FXYD2: variants seen among roughly 807,000 people sequenced by gnomAD.
FXYD2 encodes FXYD domain containing ion transport regulator 2.
FXYD2 carries 8 observed loss-of-function variants against 11.8 expected under a neutral mutation model. That is an observed-to-expected ratio of 0.68 (90% CI 0.40 to 1.22). The LOEUF is 1.22. FXYD2 is among the 50% of genes most tolerant of loss of function. FXYD2 has a pLI of 0.01. For missense variants in FXYD2, 92 were observed against 91.8 expected, an observed-to-expected ratio of 1.00 and a Z score of -0.01; for synonymous variants, 42 against 33.3, an observed-to-expected ratio of 1.26 and a Z score of -0.90.
chr11:117,823,517 G>C (rs2055963063), intron 1 of FXYD2, among the ~76,000 whole-genome samples: 1 of 152,232 alleles, frequency 6.6e-6, no homozygotes, highest in African/African-American at 2.4e-5. Context: ...TGGCGGGAGG[G>C]AAGGAGCCCG....
chr11:117,826,294 T>A (rs1025034733), upstream of FXYD2, among the ~76,000 whole-genome samples: 5 of 152,178 alleles, frequency 3.3e-5, no homozygotes, highest in Non-Finnish European at 5.9e-5. Context: ...CCCGTTCAGC[T>A]CCCTTCTGCT....
rs746807217 is a variant in FXYD2 at position 117,824,664 on chromosome 11, C to T, written c.15G>A (p.Ser5=). Residue 5 remains serine, a synonymous_variant, in exon 1 of 6, where the codon TCG becomes TCA. Coordinates refer to ENST00000292079, the MANE Select transcript of FXYD2 (RefSeq NM_001680.5). The surrounding 1 kb of genome is among the most constrained non-coding windows in gnomAD (Gnocchi z 4.0). The part of the protein sequence containing the change: MTGL[S]MDGGGSPKGD... Reference sequence around the variant, plus strand: ...CACCAGCACACTCACCACCGTCCATCGACAACCCAGTCATTTCCCCAGGTG... The same window carrying T: ...CACCAGCACACTCACCACCGTCCATTGACAACCCAGTCATTTCCCCAGGTG... 8 of 1,613,798 alleles carry T rather than the reference C, an allele frequency of 5.0e-6. No individual in the cohort carries two copies. Among genetic ancestry groups the T allele is most frequent in the East Asian group, 2.2e-5 (1 of 44,876 alleles).
At chr11:117,827,939 C>G (rs773848788), upstream of FXYD2, 254 of 1,189,082 alleles carry the variant, frequency 2.1e-4, no homozygotes, top group Middle Eastern at 1.1e-3. Context: ...AGGGACGGGG[C>G]TGGCACCTGT....
upstream of FXYD2, among the ~76,000 whole-genome samples, chr11:117,827,787 C>T (rs1476706315): frequency 2.6e-5 from 4 of 152,216 alleles, no homozygotes; most frequent in Non-Finnish European, 5.9e-5. Context: ...GCTGCCTTCC[C>T]AGCCCTCGCA....
At position 117,820,893 on chromosome 11, in the gene FXYD2, T is replaced by C; in HGVS notation, c.142A>G (p.Arg48Gly). 4.3e-6 allele frequency: 7 copies of C among 1,613,770 alleles called. No homozygotes were observed. The highest frequency in any genetic ancestry group is 5.9e-6 in the Non-Finnish European group (7 of 1,179,994). The change falls in exon 4 of 6, where the codon AGA becomes GGA. Residue 48 changes from arginine to glycine, a missense_variant and splice_region_variant. By Grantham distance (125) the Arg-to-Gly change is moderately radical. Coordinates refer to ENST00000292079, the MANE Select transcript of FXYD2 (RefSeq NM_001680.5). Reference sequence around the variant, plus strand: ...TTATTGCCCCCACAGCGGAATCTTCTGCCTTGAAAAGAGAAAAGGAGATTT... The same window carrying C: ...TTATTGCCCCCACAGCGGAATCTTCCGCCTTGAAAAGAGAAAAGGAGATTT... ...FIVGLLILLS[R>G]RFRCGGNKKR... is the part of the protein sequence containing the mutation.
chr11:117,820,827 C>G (rs769162778), intron 4 of FXYD2, 32 bp downstream of exon 4: 2 of 1,611,660 alleles, frequency 1.2e-6, no homozygotes, highest in Non-Finnish European at 1.7e-6. Flanking sequence ...CCAGCCCCAA[C>G]CCCCTCATCG....
Position 117,822,718 on chromosome 11 carries a change from C to T in FXYD2, c.26-1G>A. On this transcript the variant is annotated splice_acceptor_variant, in intron 1 of 5. Coordinates refer to ENST00000292079, the MANE Select transcript of FXYD2 (RefSeq NM_001680.5). LOFTEE classifies it high-confidence loss of function. This position sits in a 1 kb window ranked among gnomAD's most constrained non-coding sequence, Gnocchi z 4.7. ...TCCACGTCCCCCTTGGGGCTGCCGC[C>T]TAGGAGAGAGCCAGAGGTGGGATGA... 1 of 1,609,574 alleles carries T rather than the reference C, an allele frequency of 6.2e-7. No individual in the cohort carries two copies. Among genetic ancestry groups the T allele is most frequent in the Non-Finnish European group, 8.5e-7 (1 of 1,178,960 alleles).
Position 117,820,670 on chromosome 11 carries a change from T to TG in FXYD2, c.*1dup. The TG allele has an allele frequency of 6.2e-7, 1 of 1,613,988 alleles. No individual in the cohort carries two copies. Among genetic ancestry groups the TG allele is most frequent in the Non-Finnish European group, 8.5e-7 (1 of 1,179,948 alleles). ...CCCCAGGCCCTCCTAGCATACCTGC[T>TG]GTTACGGCTCATCTTCATTGATTTG... On this transcript the variant is annotated 3_prime_UTR_variant, in exon 5 of 6. Transcript: ENST00000292079.
chr11:117,828,054 G>T, upstream of FXYD2: 2 of 1,550,258 alleles, frequency 1.3e-6, no homozygotes, highest in South Asian at 1.2e-5. Flanking sequence ...CAGGAGAGCA[G>T]GGAGGTGCTG....
At chr11:117,826,741 G>A (rs1357128893), upstream of FXYD2, among the ~76,000 whole-genome samples, 1 of 148,262 alleles carries the variant, frequency 6.7e-6, no homozygotes, top group African/African-American at 2.5e-5. Flanking sequence ...TAAGTGGGAA[G>A]TTAAATAAAT....
intron 3 of FXYD2, 120 bp from the exon 4 acceptor site, chr11:117,821,015 C>A: frequency 7.6e-7 from 1 of 1,314,234 alleles, no homozygotes. Context: ...CAGGGTCAGG[C>A]TTGGAGGCCA....
rs902662717 is a variant in FXYD2, at chr11:117,824,660, C to A, written c.19G>T (p.Asp7Tyr). The A allele has an allele frequency of 1.9e-6, 3 of 1,613,772 alleles. No individual in the cohort carries two copies. Among genetic ancestry groups the A allele is most frequent in the Non-Finnish European group, 2.5e-6 (3 of 1,179,840 alleles). ...CGCACACCAGCACACTCACCACCGT[C>A]CATCGACAACCCAGTCATTTCCCCA... The part of the protein sequence containing the change: MTGLSM[D>Y]GGGSPKGDVD... The change falls in exon 1 of 6, where the codon GAC becomes TAC. Residue 7 changes from aspartate to tyrosine, a missense_variant. Coordinates refer to ENST00000292079, the MANE Select transcript of FXYD2 (RefSeq NM_001680.5). This position sits in a 1 kb window ranked among gnomAD's most constrained non-coding sequence, Gnocchi z 4.0.
At chr11:117,821,893 CA>C (rs1418283889) in intron 3 of FXYD2, 2 of 1,008,052 alleles carry the variant, frequency 2.0e-6, no homozygotes. Context: ...TGGACCAAAA[CA>C]AGTCAATGTG....
chr11:117,827,091 GATAGAT>G (rs1565303903), upstream of FXYD2, among the ~76,000 whole-genome samples: 43 of 29,864 alleles, frequency 1.4e-3, no homozygotes, highest in East Asian at 7.6e-3. Context: ...TAGAGAGATA[GATAGAT>G]AGATAGATAG....
rs1384474436 is a variant in FXYD2 at position 117,822,458 on chromosome 11, C to T, written c.87G>A (p.Gly29=). 1.9e-6 allele frequency: 3 copies of T among 1,562,868 alleles called. No homozygotes were observed. Among genetic ancestry groups the T allele is most frequent in the Non-Finnish European group, 2.6e-6 (3 of 1,152,744 alleles). The change falls in exon 3 of 6, where the codon GGG becomes GGA. Residue 29 remains glycine (G), a synonymous_variant. Transcript: ENST00000292079. This position sits in a 1 kb window ranked among gnomAD's most constrained non-coding sequence, Gnocchi z 4.7. The part of the protein sequence containing the change: ...FYYDYETVRN[G]GLIFAGLAFI... ...AGGCCAGTCCAGCGAAGATCAGGCC[C>T]CCATTGCGAACGGTCTCATAGTCTC...
chr11:117,824,355 A>G lies in FXYD2; in HGVS notation c.25+299T>C. ...CCCGCCCAAGTTCAGACGGTCTAGC[A>G]AGATGCATTGAACTCAGGGCGGGTG... On this transcript the variant is annotated intron_variant, in intron 1 of 5. Coordinates refer to ENST00000292079, the MANE Select transcript of FXYD2 (RefSeq NM_001680.5). The surrounding 1 kb of genome is among the most constrained non-coding windows in gnomAD (Gnocchi z 4.0). 1.8e-6 allele frequency: 1 copy of G among 544,590 alleles called. No homozygotes were observed. Among genetic ancestry groups the G allele is most frequent in the South Asian group, 2.0e-5 (1 of 48,994 alleles). 33.7% of individuals were successfully genotyped at this position (544,590 alleles called of 1,614,324 possible).
At chr11:117,825,158 T>C (rs1427558850), upstream of FXYD2, among the ~76,000 whole-genome samples, 1 of 152,202 alleles carries the variant, frequency 6.6e-6, no homozygotes, top group Non-Finnish European at 1.5e-5. Context: ...GTGTTCCTTA[T>C]GTGGTACTGG....
intron 3 of FXYD2, chr11:117,821,450 G>C (rs530517751): frequency 1.0e-6 from 1 of 986,634 alleles, no homozygotes; most frequent in African/African-American, 1.7e-5. Context: ...GCAGATCCAC[G>C]GTGGTCTGTT....
rs1407414708 is a variant in FXYD2 at position 117,822,485 on chromosome 11, G to A, written c.65-5C>T. ...CATTGCGAACGGTCTCATAGTCTCC[G>A]GAAAGAGAGGGCAAGAGGAGCGGGA... On this transcript the variant is annotated splice_region_variant and splice_polypyrimidine_tract_variant and intron_variant, in intron 2 of 5. Transcript: ENST00000292079. This position sits in a 1 kb window ranked among gnomAD's most constrained non-coding sequence, Gnocchi z 4.7. The A allele has an allele frequency of 2.0e-5, 31 of 1,559,474 alleles. 1 individual carries two copies. The highest frequency in any genetic ancestry group is 3.9e-5 in the Admixed American group (2 of 51,410).
Sources: allele counts gnomAD v4.1 joint callset (sites outside exome capture counted in the v4.1 genomes callset), GRCh38; gene constraint gnomAD v4.1.1; non-coding constraint Gnocchi (gnomAD v3.1); transcripts MANE v1.5; gene names NCBI Gene and HGNC (gene_info 2026-07-23, HGNC 2026-07-21).